CCKBR: variants seen among roughly 807,000 people sequenced by gnomAD.
The protein encoded by CCKBR is gastrin/cholecystokinin type B receptor.
In CCKBR, 33 loss-of-function variants were observed where a neutral mutation model predicts 34.6. The observed-to-expected ratio is 0.95, with a 90% CI of 0.72 to 1.27. CCKBR has a LOEUF of 1.27. CCKBR is among the 50% of genes most tolerant of loss of function. CCKBR has a pLI of 0.00. For synonymous variants in CCKBR, 269 were observed against 267.5 expected (o/e 1.01, Z -0.06); for missense variants, 652 against 617.4 (o/e 1.06, Z -0.59).
intron 1 of CCKBR, among the ~76,000 whole-genome samples, chr11:6,262,709 AGAGAGAGAGAGAG>A (rs759257583): frequency 9.5e-5 from 14 of 147,884 alleles, no homozygotes; most frequent in Non-Finnish European, 1.9e-4. Flanking sequence ...AGAGAGAGAG[AGAGAGAGAGAGAG>A]AGAAAGAAAA....
chr11:6,264,878 C>A (rs981821825), intron 1 of CCKBR, among the ~76,000 whole-genome samples: 4 of 152,040 alleles, frequency 2.6e-5, no homozygotes, highest in Non-Finnish European at 5.9e-5. Flanking sequence ...CAGAATTTAC[C>A]CTATTATTAA....
rs1028292734 is a variant in CCKBR, at chr11:6,269,760, G to A, written c.243G>A (p.Leu81=). Residue 81 remains leucine, a synonymous_variant, in exon 2 of 5, where the codon CTG becomes CTA. Coordinates refer to ENST00000334619, the MANE Select transcript of CCKBR (RefSeq NM_176875.4). ...GNMLIIVVLG[L]SRRLRTVTNA... is the part of the protein sequence containing the mutation. ...TGCTCATCATCGTGGTCCTGGGACTGAGCCGCCGCCTGAGGACTGTCACCA... is the reference window on the plus strand; with the variant it reads ...TGCTCATCATCGTGGTCCTGGGACTAAGCCGCCGCCTGAGGACTGTCACCA... The A allele has an allele frequency of 8.1e-6, 13 of 1,614,078 alleles. No individual in the cohort carries two copies. Among genetic ancestry groups the A allele is most frequent in the Admixed American group, 1.7e-5 (1 of 60,000 alleles).
Position 6,270,161 on chromosome 11 carries a change from A to G in CCKBR, c.477A>G (p.Pro159=). Residue 159 remains proline (P), a synonymous_variant, in exon 3 of 5, where the codon CCA becomes CCG. Coordinates refer to ENST00000334619, the MANE Select transcript of CCKBR (RefSeq NM_176875.4). ...AGCGGTACAGCGCCATCTGCCGACC[A>G]CTGCAGGCACGAGTGTGGCAGACGC... ...ALERYSAICR[P]LQARVWQTRS... The G allele has an allele frequency of 6.2e-7, 1 of 1,613,946 alleles. No homozygotes were observed. The highest frequency in any genetic ancestry group is 8.5e-7 in the Non-Finnish European group (1 of 1,179,988).
Position 6,271,655 on chromosome 11 carries a change from A to G in CCKBR, c.*112A>G. The G allele has an allele frequency of 9.6e-7, 1 of 1,042,844 alleles. No homozygotes were observed. The highest frequency in any genetic ancestry group is 1.4e-6 in the Non-Finnish European group (1 of 736,482). The allele number at this position is 1,042,844 out of a possible 1,614,324, so 64.6% of individuals were successfully genotyped here. ...CAGGAAACCAACACCCAAAGCATGG[A>G]CTAACCCCAACGCACAGGAAAAGGT... is the stretch of plus-strand genomic sequence containing the variant. On this transcript the variant is annotated 3_prime_UTR_variant, in exon 5 of 5. Coordinates refer to ENST00000334619, the MANE Select transcript of CCKBR (RefSeq NM_176875.4).
Position 6,271,327 on chromosome 11 carries a change from C to A in CCKBR, c.1128C>A (p.His376Gln). 1.2e-6 allele frequency: 2 copies of A among 1,614,226 alleles called. No individual in the cohort carries two copies. The highest frequency in any genetic ancestry group is 1.7e-6 in the Non-Finnish European group (2 of 1,180,022). Residue 376 changes from histidine to glutamine, a missense_variant, in exon 5 of 5, where the codon CAC becomes CAA. Transcript: ENST00000334619. ...ALSGAPISFI[H>Q]LLSYASACVN... ...CGGGTGCTCCTATCTCCTTCATTCA[C>A]TTGCTGAGCTACGCCTCGGCCTGTG...
In CCKBR at chr11:6,270,481, T is replaced by A; in HGVS notation, c.653+144T>A. The A allele has an allele frequency of 3.6e-6, 5 of 1,392,424 alleles. No individual in the cohort carries two copies. The South Asian group carries it at 4.1e-5, about 11-fold the overall frequency. The allele number at this position is 1,392,424 out of a possible 1,614,324, so 86.3% of individuals were successfully genotyped here. On this transcript the variant is annotated intron_variant, in intron 3 of 4. Transcript: ENST00000334619. ...GCATCCACCACCCTGGAGTTCCAGTTTGGGGCCCCTCCCCAGTTCTCTCTC... is the reference window on the plus strand; with the variant it reads ...GCATCCACCACCCTGGAGTTCCAGTATGGGGCCCCTCCCCAGTTCTCTCTC...
chr11:6,264,591 C>CACGG (rs1470055373), intron 1 of CCKBR: 1 of 699,018 alleles, frequency 1.4e-6, no homozygotes, highest in South Asian at 1.5e-5. Context: ...AGATGATGCT[C>CACGG]ACGGGTAGAC....
chr11:6,270,179 G>A lies in CCKBR; in HGVS notation c.495G>A (p.Trp165Ter). The A allele has an allele frequency of 5.0e-6, 8 of 1,613,816 alleles. No individual in the cohort carries two copies. Among genetic ancestry groups the A allele is most frequent in the Non-Finnish European group, 6.8e-6 (8 of 1,180,018 alleles). ...GCCGACCACTGCAGGCACGAGTGTG[G>A]CAGACGCGCTCCCACGCGGCTCGCG... ...AICRPLQARV[W>*]QTRSHAARVI... The change falls in exon 3 of 5, where the codon TGG becomes TGA. Residue 165 changes from tryptophan (W) to a stop codon, truncating the protein, a stop_gained. Coordinates refer to ENST00000334619, the MANE Select transcript of CCKBR (RefSeq NM_176875.4). LOFTEE classifies it high-confidence loss of function.
At chr11:6,262,035 G>T (rs1848140835) in intron 1 of CCKBR, among the ~76,000 whole-genome samples, 3 of 152,160 alleles carry the variant, frequency 2.0e-5, no homozygotes, top group African/African-American at 7.2e-5. Context: ...ACAACTGAAT[G>T]GATATTGGTG....
In CCKBR at chr11:6,270,109, C is replaced by T. The variant is rs1848272023; in HGVS notation, c.425C>T (p.Thr142Met). The change falls in exon 3 of 5, where the codon ACG becomes ATG. Residue 142 changes from threonine to methionine, a missense_variant. Transcript: ENST00000334619. ...YLMGVSVSVS[T>M]LSLVAIALER... is the part of the protein sequence containing the mutation. The stretch of plus-strand genomic sequence containing the variant: ...TTAGGGGTGTCTGTGAGTGTGTCCA[C>T]GCTAAGCCTCGTGGCCATCGCACTG... 1.2e-6 allele frequency: 2 copies of T among 1,609,172 alleles called. No individual in the cohort carries two copies. Among genetic ancestry groups the T allele is most frequent in the Admixed American group, 1.7e-5 (1 of 59,842 alleles).
At position 6,259,893 on chromosome 11, in the gene CCKBR, G is replaced by T. The variant is rs1486366168; in HGVS notation, c.-36G>T. On this transcript the variant is annotated 5_prime_UTR_variant, in exon 1 of 5. Coordinates refer to ENST00000334619, the MANE Select transcript of CCKBR (RefSeq NM_176875.4). ...TGGAGCCGCGTTGGGAGCCCGCCGG[G>T]TCGAGCTGAGTAAGGCGGCGGGCTC... is the stretch of plus-strand genomic sequence containing the variant. The T allele has an allele frequency of 1.4e-6, 2 of 1,399,508 alleles. No homozygotes were observed. Among genetic ancestry groups the T allele is most frequent in the Admixed American group, 3.9e-5 (1 of 25,872 alleles). The allele number at this position is 1,399,508 out of a possible 1,614,324, so 86.7% of individuals were successfully genotyped here. A position where few individuals can be genotyped will look rare whatever the true frequency, so the allele number is the denominator to read the frequency against.
At chr11:6,270,062 TC>T (rs761166174) in intron 2 of CCKBR, 25 bp from the exon 3 acceptor site, 2 of 1,591,250 alleles carry the variant, frequency 1.3e-6, no homozygotes, top group Non-Finnish European at 1.7e-6. Flanking sequence ...CCTAGGTGAC[TC>T]CTTCCTTTCT....
chr11:6,270,635 GT>G lies in CCKBR; in HGVS notation c.654-9del, dbSNP rs1434565990. On this transcript the variant is annotated splice_polypyrimidine_tract_variant and intron_variant, in intron 3 of 4. Transcript: ENST00000334619. ...ACAGAAACCCGAGTGATCTGTCTGT[GT>G]TGCCTTCAGGTCCGTACTGCTGCTT... 2.5e-6 allele frequency: 4 copies of G among 1,591,612 alleles called. No individual in the cohort carries two copies. The African/African-American group carries it at 5.4e-5, about 21-fold the overall frequency.
intron 1 of CCKBR, among the ~76,000 whole-genome samples, chr11:6,260,882 T>C (rs1365752611): frequency 6.6e-6 from 1 of 152,042 alleles, no homozygotes; most frequent in African/African-American, 2.4e-5. Context: ...ACAGACACAA[T>C]GGAAGTCCCA....
rs200605105 is a variant in CCKBR at position 6,269,938 on chromosome 11, C to T, written c.403+18C>T. ...CCTCATGGGTGGGTGAGACAACCAC[C>T]CCACCCCCACTTGCCACTCTCCCCG... On this transcript the variant is annotated intron_variant, in intron 2 of 4. Transcript: ENST00000334619. 25 of 1,612,454 alleles carry T rather than the reference C, an allele frequency of 1.6e-5. No homozygotes were observed. The highest frequency in any genetic ancestry group is 2.1e-5 in the Non-Finnish European group (25 of 1,178,820).
chr11:6,259,924 G>T lies in CCKBR; in HGVS notation c.-5G>T, dbSNP rs1011853937. ...CTGAGTAAGGCGGCGGGCTCGGCGG[G>T]GGCCATGGAGCTGCTAAAGCTGAAC... On this transcript the variant is annotated 5_prime_UTR_variant, in exon 1 of 5. Coordinates refer to ENST00000334619, the MANE Select transcript of CCKBR (RefSeq NM_176875.4). The T allele has an allele frequency of 6.3e-6, 9 of 1,439,368 alleles. No homozygotes were observed. The highest frequency in any genetic ancestry group is 8.2e-6 in the Non-Finnish European group (9 of 1,099,172). The allele number at this position is 1,439,368 out of a possible 1,614,324, so 89.2% of individuals were successfully genotyped here.
At position 6,271,545 on chromosome 11, in the gene CCKBR, G is replaced by C; in HGVS notation, c.*2G>C. The stretch of plus-strand genomic sequence containing the variant: ...ATCAGCACACTGGGCCCTGGCTGAG[G>C]AGTAGAGGGGCCGTGGGGGTTGAGG... On this transcript the variant is annotated 3_prime_UTR_variant, in exon 5 of 5. Coordinates refer to ENST00000334619, the MANE Select transcript of CCKBR (RefSeq NM_176875.4). 6.3e-7 allele frequency: 1 copy of C among 1,583,582 alleles called. No individual in the cohort carries two copies. Among genetic ancestry groups the C allele is most frequent in the South Asian group, 1.1e-5 (1 of 89,042 alleles).
Position 6,270,195 on chromosome 11 carries a change from G to T in CCKBR, c.511G>T (p.Ala171Ser), listed in dbSNP as rs201267768. The change falls in exon 3 of 5, where the codon GCG becomes TCG. Residue 171 changes from alanine (A) to serine (S), a missense_variant. By Grantham distance (99) the Ala-to-Ser change is moderately conservative. Coordinates refer to ENST00000334619, the MANE Select transcript of CCKBR (RefSeq NM_176875.4). The stretch of plus-strand genomic sequence containing the variant: ...ACGAGTGTGGCAGACGCGCTCCCAC[G>T]CGGCTCGCGTGATTGTAGCCACGTG... ...QARVWQTRSHAARVIVATWLL... is the reference protein window; with the variant it reads ...QARVWQTRSHSARVIVATWLL... 1.2e-6 allele frequency: 2 copies of T among 1,613,606 alleles called. No homozygotes were observed. Among genetic ancestry groups the T allele is most frequent in the Non-Finnish European group, 1.7e-6 (2 of 1,180,016 alleles).
chr11:6,267,806 A>G (rs964347720), intron 1 of CCKBR, among the ~76,000 whole-genome samples: 2 of 152,178 alleles, frequency 1.3e-5, no homozygotes, highest in African/African-American at 4.8e-5. Context: ...TTACTAGGTG[A>G]TAGAAACTTT....
Sources: allele counts gnomAD v4.1 joint callset (sites outside exome capture counted in the v4.1 genomes callset), GRCh38; gene constraint gnomAD v4.1.1; transcripts MANE v1.5; gene names NCBI Gene and HGNC (gene_info 2026-07-23, HGNC 2026-07-21).